The following B4GALT1 variants were observed in gnomAD, a reference collection of about 807,000 sequenced individuals.
The protein encoded by B4GALT1 is beta-1,4-galactosyltransferase 1, also known as N-acetyllactosamine synthase.
A neutral mutation model predicts 34.9 loss-of-function variants in B4GALT1; 16 were observed. That is an observed-to-expected ratio of 0.46 (90% CI 0.31 to 0.70). B4GALT1 has a LOEUF of 0.70. Among genes scored for constraint, B4GALT1 ranks in the 30% least tolerant of loss-of-function variants. B4GALT1 has a pLI of 0.05. For synonymous variants in B4GALT1, 221 were observed against 218.1 expected, an observed-to-expected ratio of 1.01 and a Z score of -0.12; for missense variants, 445 against 530.5, an observed-to-expected ratio of 0.84 and a Z score of 1.58.
chr9:33,170,876 C>T (rs1840834600), upstream of B4GALT1, among the ~76,000 whole-genome samples: 1 of 152,190 alleles, frequency 6.6e-6, no homozygotes, highest in Non-Finnish European at 1.5e-5. Context: ...TAATCCCATC[C>T]GGCGAGACAA....
chr9:33,162,115 AC>A (rs1840683578), intron 1 of B4GALT1, among the ~76,000 whole-genome samples: 1 of 152,168 alleles, frequency 6.6e-6, no homozygotes, highest in African/African-American at 2.4e-5. Flanking sequence ...AGACCATAAT[AC>A]CCAGTGATAT....
intron 4 of B4GALT1, 99 bp from the exon 5 acceptor site, chr9:33,113,977 G>C: frequency 3.6e-6 from 4 of 1,114,670 alleles, no homozygotes; most frequent in Non-Finnish European, 5.4e-6. Context: ...CATCACCCTT[G>C]CTGTTCTCAC....
At chr9:33,150,206 A>G (rs1840491531) in intron 1 of B4GALT1, among the ~76,000 whole-genome samples, 1 of 150,500 alleles carries the variant, frequency 6.6e-6, no homozygotes, top group South Asian at 2.1e-4. Context: ...CTAAAATTAT[A>G]TTAATATCTA....
intron 3 of B4GALT1, among the ~76,000 whole-genome samples, chr9:33,118,268 A>T (rs1269065460): frequency 6.6e-6 from 1 of 152,142 alleles, no homozygotes; most frequent in Non-Finnish European, 1.5e-5. Flanking sequence ...GATCTGGGAG[A>T]AGGACTTCAT....
downstream of B4GALT1, among the ~76,000 whole-genome samples, chr9:33,107,014 G>A (rs1839801455): frequency 6.6e-6 from 1 of 152,082 alleles, no homozygotes; most frequent in African/African-American, 2.4e-5. Context: ...TACTCTTGGT[G>A]ACCCTGGAAC....
chr9:33,166,640 C>A (rs1840758787), intron 1 of B4GALT1, 118 bp downstream of exon 1: 2 of 1,207,772 alleles, frequency 1.7e-6, no homozygotes, highest in Non-Finnish European at 2.2e-6. Context: ...AAACTCTGAT[C>A]CAGAAGAGGG....
intron 4 of B4GALT1, 80 bp from the exon 5 acceptor site, chr9:33,113,958 T>C: frequency 7.8e-7 from 1 of 1,283,994 alleles, no homozygotes; most frequent in Non-Finnish European, 1.1e-6. Flanking sequence ...AGACTGTTGC[T>C]CCATCCACCA....
At chr9:33,142,652 T>C (rs1220450962) in intron 1 of B4GALT1, among the ~76,000 whole-genome samples, 1 of 152,154 alleles carries the variant, frequency 6.6e-6, no homozygotes, top group African/African-American at 2.4e-5. Flanking sequence ...TTTCTCGCTC[T>C]GTTACCCAGA....
intron 4 of B4GALT1, among the ~76,000 whole-genome samples, chr9:33,114,970 A>T (rs1016745182): frequency 6.6e-6 from 1 of 152,132 alleles, no homozygotes; most frequent in Non-Finnish European, 1.5e-5. Flanking sequence ...GCACACTGTC[A>T]TATCAGTCCA....
chr9:33,176,600 A>G, the B4GALT1 span, among the ~76,000 whole-genome samples: 2 of 152,342 alleles, frequency 1.3e-5, no homozygotes, highest in East Asian at 3.9e-4. Context: ...AAATTAATGC[A>G]GGAACAGAAA....
At chr9:33,113,721 G>A (rs1587726184) in intron 5 of B4GALT1, 53 bp downstream of exon 5, 1 of 1,609,216 alleles carries the variant, frequency 6.2e-7, no homozygotes, top group South Asian at 1.1e-5. Flanking sequence ...CCTCGGACCT[G>A]CAGCCTACCT....
downstream of B4GALT1, among the ~76,000 whole-genome samples, chr9:33,107,369 C>T (rs1405130891): frequency 6.6e-6 from 1 of 152,156 alleles, no homozygotes; most frequent in Non-Finnish European, 1.5e-5. Flanking sequence ...GGATATGTGG[C>T]AGAAACTTGG....
At chr9:33,184,195 G>A in the B4GALT1 span, among the ~76,000 whole-genome samples, 1 of 149,316 alleles carries the variant, frequency 6.7e-6, no homozygotes, top group Non-Finnish European at 1.5e-5. Flanking sequence ...ATATAAAAAA[G>A]AAAAAGAATT....
At chr9:33,137,324 C>T (rs1840285811) in intron 1 of B4GALT1, among the ~76,000 whole-genome samples, 1 of 152,216 alleles carries the variant, frequency 6.6e-6, no homozygotes, top group African/African-American at 2.4e-5. Context: ...AGATAGGCCT[C>T]AATCAAGCTT....
chr9:33,105,764 T>A (rs993645688), downstream of B4GALT1, among the ~76,000 whole-genome samples: 1 of 152,154 alleles, frequency 6.6e-6, no homozygotes, highest in African/African-American at 2.4e-5. Context: ...TAGCATAATA[T>A]CTTCAAGGTT....
chr9:33,150,475 CAT>C (rs1840500564), intron 1 of B4GALT1, among the ~76,000 whole-genome samples: 1 of 150,676 alleles, frequency 6.6e-6, no homozygotes, highest in African/African-American at 2.4e-5. Flanking sequence ...ATGCCATTTA[CAT>C]ATGTTTAAAA....
intron 1 of B4GALT1, among the ~76,000 whole-genome samples, chr9:33,139,796 C>G (rs540731071): frequency 1.3e-5 from 2 of 152,362 alleles, no homozygotes; most frequent in East Asian, 1.9e-4. Context: ...GGCTTCATGA[C>G]AGGCCTCAAG....
At chr9:33,114,108 G>A (rs537422650) in intron 4 of B4GALT1, among the ~76,000 whole-genome samples, 119 of 152,346 alleles carry the variant, frequency 7.8e-4, no homozygotes, top group Non-Finnish European at 1.4e-3. Flanking sequence ...ACTACCATGT[G>A]CCAGACACTG....
intron 1 of B4GALT1, among the ~76,000 whole-genome samples, chr9:33,138,233 G>A (rs1447692938): frequency 2.0e-5 from 3 of 152,200 alleles, no homozygotes; most frequent in Admixed American, 6.5e-5. Flanking sequence ...GACAGGAGAA[G>A]AGATGCCTGG....
Sources: gnomAD v4.1 joint callset for allele counts (sites outside exome capture counted in the v4.1 genomes callset) on GRCh38, gnomAD v4.1.1 for gene constraint, MANE v1.5 for transcripts, NCBI Gene and HGNC (gene_info 2026-07-23, HGNC 2026-07-21) for gene names.